The following HMGB1 variants were observed in gnomAD, a reference collection of about 807,000 sequenced individuals.
HMGB1 encodes high mobility group box 1, also known as high mobility group protein B1.
For missense variants in HMGB1, 79 were observed against 253.5 expected (o/e 0.31, Z 4.67); for synonymous variants, 81 against 84.0 (o/e 0.96, Z 0.19).
At chr13:30,465,208 C>A in intron 1 of HMGB1, 1 of 767,852 alleles carries the variant, frequency 1.3e-6, no homozygotes, top group Non-Finnish European at 1.6e-6. Flanking sequence ...CCGCCGCCGC[C>A]GCGACCGGGC....
intron 1 of HMGB1, among the ~76,000 whole-genome samples, chr13:30,518,080 G>C (rs369377936): frequency 4.0e-5 from 6 of 151,872 alleles, no homozygotes; most frequent in South Asian, 4.2e-4. Context: ...CCTGTAATCC[G>C]AACACTTATG....
chr13:30,596,502 C>T (rs1041784850), intron 1 of HMGB1, among the ~76,000 whole-genome samples: 1 of 152,176 alleles, frequency 6.6e-6, no homozygotes, highest in South Asian at 2.1e-4. Context: ...CTCATGGGAA[C>T]AACTCACGAG....
At chr13:30,586,271 A>T (rs1347739114) in intron 1 of HMGB1, among the ~76,000 whole-genome samples, 1 of 152,002 alleles carries the variant, frequency 6.6e-6, no homozygotes, top group African/African-American at 2.4e-5. Flanking sequence ...AACACTCTCA[A>T]CTTTTAAGAA....
At chr13:30,475,745 C>A (rs533705932) in intron 1 of HMGB1, among the ~76,000 whole-genome samples, 1 of 152,112 alleles carries the variant, frequency 6.6e-6, no homozygotes, top group Non-Finnish European at 1.5e-5. Flanking sequence ...GAAATCTTCA[C>A]AATAAAAAAT....
chr13:30,595,799 G>A (rs1487649663), intron 1 of HMGB1, among the ~76,000 whole-genome samples: 1 of 152,194 alleles, frequency 6.6e-6, no homozygotes, highest in Non-Finnish European at 1.5e-5. Flanking sequence ...CCTCTCCACA[G>A]GGCTGCTGGA....
rs1338906291 is a variant in HMGB1, at chr13:30,463,710, A to T, written c.-14-16T>A. 1 of 1,485,902 alleles carries T rather than the reference A, an allele frequency of 6.7e-7. No individual in the cohort carries two copies. The highest frequency in any genetic ancestry group is 1.2e-5 in the South Asian group (1 of 81,928). 92.0% of individuals were successfully genotyped at this position (1,485,902 alleles called of 1,614,324 possible). On this transcript the variant is annotated splice_polypyrimidine_tract_variant and intron_variant, in intron 1 of 4. Coordinates refer to ENST00000341423, the MANE Select transcript of HMGB1 (RefSeq NM_002128.7). The stretch of plus-strand genomic sequence containing the variant: ...AGTTATTTTTCTAAAAAATAAAATA[A>T]ATATTTGATGTTAGCAATAAAATTA...
chr13:30,505,387 C>T (rs1030381807), intron 1 of HMGB1, among the ~76,000 whole-genome samples: 1 of 151,548 alleles, frequency 6.6e-6, no homozygotes, highest in Admixed American at 6.6e-5. Flanking sequence ...ACCGTGTTAG[C>T]CAGGATGGTC....
intron 1 of HMGB1, among the ~76,000 whole-genome samples, chr13:30,485,272 C>T (rs1887339530): frequency 6.6e-6 from 1 of 152,170 alleles, no homozygotes; most frequent in African/African-American, 2.4e-5. Context: ...CTCAAGGAAT[C>T]CACCCATATT....
intron 1 of HMGB1, among the ~76,000 whole-genome samples, chr13:30,586,492 T>G (rs1211761578): frequency 9.0e-5 from 13 of 144,084 alleles, no homozygotes; most frequent in Admixed American, 6.3e-4. Context: ...TTTTTTTTTT[T>G]TTTTTTTTTT....
chr13:30,515,008 G>A (rs1888072417), intron 1 of HMGB1, among the ~76,000 whole-genome samples: 1 of 152,190 alleles, frequency 6.6e-6, no homozygotes, highest in Non-Finnish European at 1.5e-5. Context: ...TGAAGTTAAT[G>A]CTACAGGAGA....
chr13:30,555,038 T>G (rs1285019315), intron 1 of HMGB1, among the ~76,000 whole-genome samples: 1 of 132,208 alleles, frequency 7.6e-6, no homozygotes, highest in African/African-American at 2.8e-5. Flanking sequence ...GTTGTGTTTT[T>G]TTTTTTTTTT....
intron 1 of HMGB1, among the ~76,000 whole-genome samples, chr13:30,537,671 A>C (rs989963586): frequency 0.016 from 1,728 of 106,730 alleles, 51 homozygotes; most frequent in African/African-American, 0.034. Flanking sequence ...ATATATATAT[A>C]TATATATATA....
At chr13:30,608,885 A>G (rs556536141) in intron 1 of HMGB1, among the ~76,000 whole-genome samples, 2 of 152,372 alleles carry the variant, frequency 1.3e-5, no homozygotes, top group South Asian at 4.1e-4. Flanking sequence ...ACTAAGTTTA[A>G]TTTTGTGCCC....
intron 1 of HMGB1, among the ~76,000 whole-genome samples, chr13:30,473,278 G>A (rs1263455108): frequency 6.6e-6 from 1 of 152,114 alleles, no homozygotes; most frequent in Non-Finnish European, 1.5e-5. Flanking sequence ...ACAGAAAATT[G>A]TACCAAAGCT....
rs1593249612 is a variant in HMGB1, at chr13:30,458,946, T to A, written c.*2411A>T. The A allele has an allele frequency of 6.6e-6, 1 of 152,198 alleles. No individual in the cohort carries two copies. The highest frequency in any genetic ancestry group is 1.5e-5 in the Non-Finnish European group (1 of 68,036). The allele number at this position is 152,198 out of a possible 1,614,324, so 9.4% of individuals were successfully genotyped here. On this transcript the variant is annotated 3_prime_UTR_variant, in exon 5 of 5. Transcript: ENST00000341423. ...TTAGGAAATTTGACTCGTTAATCAA[T>A]ATGCCATATGCCTATCTTTAAAATA...
intron 1 of HMGB1, among the ~76,000 whole-genome samples, chr13:30,504,425 T>G (rs1401617797): frequency 6.6e-6 from 1 of 152,226 alleles, no homozygotes; most frequent in South Asian, 2.1e-4. Context: ...CTGATACTTC[T>G]TTTGGTTTTG....
intron 1 of HMGB1, chr13:30,465,264 CCCTCGCCCGCCGCGGCG>C: frequency 6.6e-6 from 1 of 151,524 alleles, no homozygotes; most frequent in South Asian, 2.1e-4. Flanking sequence ...CCCCGCGCCG[CCCTCGCCCGCCGCGGCG>C]CCCCGCCCGC....
intron 1 of HMGB1, among the ~76,000 whole-genome samples, chr13:30,490,822 T>C (rs115797524): frequency 6.6e-6 from 1 of 151,910 alleles, no homozygotes; most frequent in Admixed American, 6.6e-5. Context: ...AACTTGATGT[T>C]GGTAGGTAGG....
chr13:30,510,310 A>C (rs1476517689), intron 1 of HMGB1, among the ~76,000 whole-genome samples: 1 of 152,258 alleles, frequency 6.6e-6, no homozygotes. Flanking sequence ...TTAATTGGTC[A>C]TAAAATCCTG....
Sources: gnomAD v4.1 joint callset for allele counts (sites outside exome capture counted in the v4.1 genomes callset) on GRCh38, gnomAD v4.1.1 for gene constraint, MANE v1.5 for transcripts, NCBI Gene and HGNC (gene_info 2026-07-23, HGNC 2026-07-21) for gene names.